ACTR2: variants seen among roughly 807,000 people sequenced by gnomAD.
The protein encoded by ACTR2 is actin-related protein 2.
Under a neutral mutation model 50.2 loss-of-function variants are expected in ACTR2, and 5 were observed. The ratio of observed to expected loss-of-function variants is 0.10; its 90% confidence interval spans 0.05 to 0.21. The LOEUF (loss-of-function observed/expected upper bound fraction) is 0.21, where lower values mean the gene tolerates loss of function less well. Ranked by LOEUF, ACTR2 falls within the 10% of genes least tolerant of loss-of-function variation. The pLI, the probability that ACTR2 is intolerant of heterozygous loss-of-function variation, is 1.00. For missense variants in ACTR2, 180 were observed against 480.6 expected, an observed-to-expected ratio of 0.37 and a Z score of 5.85; for synonymous variants, 140 against 162.9, an observed-to-expected ratio of 0.86 and a Z score of 1.07.
In ACTR2 at chr2:65,264,971, A is replaced by G. The variant is rs1672345119; in HGVS notation, c.882-72A>G. 11 of 1,554,934 alleles carry G rather than the reference A, an allele frequency of 7.1e-6. No homozygotes were observed. The South Asian group carries it at 1.2e-4, about 18-fold the overall frequency. On this transcript the variant is annotated intron_variant, in intron 7 of 8. Coordinates refer to ENST00000260641, the MANE Select transcript of ACTR2 (RefSeq NM_005722.4). ...CTCCCAGCAACCCCGAGGCTGACAT[A>G]AGTAACAGTAACCCTGAGATACCAT... is the stretch of plus-strand genomic sequence containing the variant.
chr2:65,230,025 G>A (rs1671605932), intron 1 of ACTR2, among the ~76,000 whole-genome samples: 1 of 152,162 alleles, frequency 6.6e-6, no homozygotes, highest in Admixed American at 6.6e-5. Flanking sequence ...GGAAGATGGA[G>A]AGGACTTCAT....
At chr2:65,255,252 T>C (rs898596826) in intron 5 of ACTR2, among the ~76,000 whole-genome samples, 11 of 152,226 alleles carry the variant, frequency 7.2e-5, no homozygotes, top group Admixed American at 1.3e-4. Flanking sequence ...ATACTTTTGA[T>C]TGTTTATCAA....
At chr2:65,229,495 C>G (rs1013921441) in intron 1 of ACTR2, among the ~76,000 whole-genome samples, 6 of 151,854 alleles carry the variant, frequency 4.0e-5, no homozygotes, top group Non-Finnish European at 7.4e-5. Flanking sequence ...GTGGCTCATG[C>G]CTGTAATCCC....
intron 8 of ACTR2, among the ~76,000 whole-genome samples, chr2:65,266,526 T>C (rs1469372805): frequency 6.6e-6 from 1 of 152,142 alleles, no homozygotes; most frequent in Non-Finnish European, 1.5e-5. Flanking sequence ...AGGGTTTGGC[T>C]TGACTCCTGG....
Position 65,269,477 on chromosome 2 carries a change from C to G in ACTR2, c.*743C>G, listed in dbSNP as rs769192695. ...TGATATAAAAAGCAAGTGTAGTATT[C>G]CATTACTATGTGGCTTAGGGATTTA... On this transcript the variant is annotated 3_prime_UTR_variant, in exon 9 of 9. Coordinates refer to ENST00000260641, the MANE Select transcript of ACTR2 (RefSeq NM_005722.4). The G allele has an allele frequency of 7.2e-5, 11 of 152,110 alleles. No individual in the cohort carries two copies. Among genetic ancestry groups the G allele is most frequent in the Non-Finnish European group, 1.5e-4 (10 of 68,026 alleles). The allele number at this position is 152,110 out of a possible 1,614,324, so 9.4% of individuals were successfully genotyped here.
chr2:65,264,632 A>T (rs981281287), intron 7 of ACTR2, among the ~76,000 whole-genome samples: 4 of 152,230 alleles, frequency 2.6e-5, no homozygotes, highest in African/African-American at 9.6e-5. Flanking sequence ...AACAAAAAAG[A>T]AAACTACAAA....
intron 4 of ACTR2, among the ~76,000 whole-genome samples, chr2:65,252,322 C>T (rs1672067657): frequency 6.6e-6 from 1 of 151,448 alleles, no homozygotes; most frequent in Non-Finnish European, 1.5e-5. Flanking sequence ...CTTATTGCAT[C>T]AAGGAATTAT....
chr2:65,268,196 G>C (rs1672421136), intron 8 of ACTR2, among the ~76,000 whole-genome samples: 1 of 152,122 alleles, frequency 6.6e-6, no homozygotes, highest in African/African-American at 2.4e-5. Flanking sequence ...GTGGTCATCT[G>C]CCATTGGATG....
Position 65,227,986 on chromosome 2 carries a change from G to T in ACTR2, c.48+29G>T, listed in dbSNP as rs1268679319. On this transcript the variant is annotated intron_variant, in intron 1 of 8. Coordinates refer to ENST00000260641, the MANE Select transcript of ACTR2 (RefSeq NM_005722.4). ...AGGGCCGCGCGAGGAGGCCTTGGCG[G>T]CCACAGACGCCGGCGGGGACGAGCA... 32 of 1,486,018 alleles carry T rather than the reference G, an allele frequency of 2.2e-5. No individual in the cohort carries two copies. In the East Asian group the frequency reaches 8.9e-4, roughly 41 times the overall value. The allele number at this position is 1,486,018 out of a possible 1,614,324, so 92.1% of individuals were successfully genotyped here.
At chr2:65,241,241 G>C (rs1671836439) in intron 2 of ACTR2, among the ~76,000 whole-genome samples, 1 of 152,016 alleles carries the variant, frequency 6.6e-6, no homozygotes, top group African/African-American at 2.4e-5. Context: ...GAAGTTGAAG[G>C]CTATACTTTT....
chr2:65,246,148 T>A (rs1671934539), intron 2 of ACTR2: 1 of 161,602 alleles, frequency 6.2e-6, no homozygotes, highest in Non-Finnish European at 1.3e-5. Flanking sequence ...TTTCTACAAG[T>A]TTTTTTCCCC....
chr2:65,232,866 A>G (rs1188935591), intron 1 of ACTR2, among the ~76,000 whole-genome samples: 1 of 152,250 alleles, frequency 6.6e-6, no homozygotes. Flanking sequence ...CACACAATGA[A>G]AGAACGAAGT....
chr2:65,250,519 A>G (rs1057191030), intron 3 of ACTR2, among the ~76,000 whole-genome samples: 1 of 149,344 alleles, frequency 6.7e-6, no homozygotes, highest in African/African-American at 2.5e-5. Context: ...CTAAAAATAC[A>G]AAAATTAGCC....
At chr2:65,267,085 G>T (rs1672386341) in intron 8 of ACTR2, among the ~76,000 whole-genome samples, 1 of 152,208 alleles carries the variant, frequency 6.6e-6, no homozygotes, top group Non-Finnish European at 1.5e-5. Flanking sequence ...AGCAGTTGAG[G>T]TATTTACAGA....
intron 2 of ACTR2, among the ~76,000 whole-genome samples, chr2:65,246,033 A>C (rs1014781104): frequency 5.9e-5 from 9 of 152,060 alleles, no homozygotes; most frequent in African/African-American, 9.7e-5. Flanking sequence ...TTATAGAGTA[A>C]TAAAGAATCA....
chr2:65,240,711 C>CT (rs2103990569), intron 2 of ACTR2, among the ~76,000 whole-genome samples: 1 of 152,284 alleles, frequency 6.6e-6, no homozygotes, highest in East Asian at 1.9e-4. Context: ...CTTCAGGTGA[C>CT]TGAAGGATCA....
intron 8 of ACTR2, among the ~76,000 whole-genome samples, chr2:65,268,335 G>A (rs952763881): frequency 1.3e-5 from 2 of 152,162 alleles, no homozygotes; most frequent in Non-Finnish European, 2.9e-5. Flanking sequence ...GACACCACGT[G>A]TAAATCAGGA....
At chr2:65,232,210 T>TAG (rs1553406182) in intron 1 of ACTR2, among the ~76,000 whole-genome samples, 2 of 152,212 alleles carry the variant, frequency 1.3e-5, no homozygotes, top group African/African-American at 4.8e-5. Context: ...CCCCTGGTGT[T>TAG]ACGTGTCTTG....
At chr2:65,238,684 T>G (rs1671785087) in intron 1 of ACTR2, among the ~76,000 whole-genome samples, 1 of 116,852 alleles carries the variant, frequency 8.6e-6, no homozygotes. Context: ...AGTAAATAGC[T>G]AGCCAGGCGC....
Sources: gnomAD v4.1 joint callset for allele counts (sites outside exome capture counted in the v4.1 genomes callset) on GRCh38, gnomAD v4.1.1 for gene constraint, MANE v1.5 for transcripts, NCBI Gene and HGNC (gene_info 2026-07-23, HGNC 2026-07-21) for gene names.